Variants in CCDC77 observed in about 807,000 individuals in gnomAD.
CCDC77 encodes the protein coiled-coil domain-containing protein 77.
CCDC77 carries 56 observed loss-of-function variants against 66.8 expected under a neutral mutation model. The observed-to-expected ratio is 0.84, with a 90% CI of 0.68 to 1.05. CCDC77 has a LOEUF of 1.05. Among genes scored for constraint, CCDC77 ranks in the 50% least tolerant of loss-of-function variants. CCDC77 has a pLI of 0.00. For missense variants in CCDC77, 570 were observed against 576.8 expected, an observed-to-expected ratio of 0.99 and a Z score of 0.12; for synonymous variants, 196 against 195.2, an observed-to-expected ratio of 1.00 and a Z score of -0.03.
chr12:416,200 C>A (rs918503051), intron 4 of CCDC77, among the ~76,000 whole-genome samples: 1 of 150,696 alleles, frequency 6.6e-6, no homozygotes, highest in Admixed American at 6.7e-5. Flanking sequence ...TTTAACCTCC[C>A]AAAGTGTTGG....
At chr12:426,574 C>T (rs1945535983) in intron 5 of CCDC77, among the ~76,000 whole-genome samples, 1 of 152,082 alleles carries the variant, frequency 6.6e-6, no homozygotes, top group African/African-American at 2.4e-5. Flanking sequence ...GCCCCAGAAG[C>T]CAAGAAGCTA....
At position 438,344 on chromosome 12, in the gene CCDC77, C is replaced by T; in HGVS notation, c.831C>T (p.His277=). ...ATACTTTCTTTCCTAGTCTTCACCA[C>T]ACCCAAGAACTGCTCTATGAGAGCA... ...KIKELTKNLH[H]TQELLYESTK... The change falls in exon 10 of 13, where the codon CAC becomes CAT. Residue 277 remains histidine, a synonymous_variant. Coordinates refer to ENST00000239830, the MANE Select transcript of CCDC77 (RefSeq NM_032358.4). The T allele has an allele frequency of 5.0e-6, 8 of 1,611,034 alleles. No individual in the cohort carries two copies. The highest frequency in any genetic ancestry group is 6.8e-6 in the Non-Finnish European group (8 of 1,178,628).
chr12:415,382 T>C (rs1206264398), intron 4 of CCDC77, among the ~76,000 whole-genome samples: 1 of 106,844 alleles, frequency 9.4e-6, no homozygotes. Context: ...ATCAACATAA[T>C]ATTATGTTAA....
At chr12:437,473 A>T (rs895502524) in intron 9 of CCDC77, among the ~76,000 whole-genome samples, 4 of 152,018 alleles carry the variant, frequency 2.6e-5, no homozygotes, top group African/African-American at 9.7e-5. Flanking sequence ...TTAACCTGGG[A>T]TGGAGTTTCA....
At chr12:405,154 C>T (rs149748099) in intron 1 of CCDC77, among the ~76,000 whole-genome samples, 174 of 152,344 alleles carry the variant, frequency 1.1e-3, no homozygotes, top group Admixed American at 2.6e-3. Flanking sequence ...CATAGGTGAA[C>T]CTTGAAAACA....
chr12:403,692 A>G (rs1944939176), intron 1 of CCDC77, among the ~76,000 whole-genome samples: 2 of 152,210 alleles, frequency 1.3e-5, no homozygotes, highest in South Asian at 4.1e-4. Flanking sequence ...GGGTTTCACC[A>G]TGTTGCCCAG....
chr12:415,795 G>A (rs541355651), intron 4 of CCDC77, among the ~76,000 whole-genome samples: 85 of 125,134 alleles, frequency 6.8e-4, no homozygotes, highest in Non-Finnish European at 1.1e-3. Context: ...ACCATGCCCA[G>A]CTAATTTTTT....
rs372619680 is a variant in CCDC77, at chr12:418,455, C to T, written c.271-39C>T. Reference sequence around the variant, plus strand: ...CCAGTGAGAGATACTCCATTGAAACCCAGTGTCTTTCAACTATCTTATTGT... The same window carrying T: ...CCAGTGAGAGATACTCCATTGAAACTCAGTGTCTTTCAACTATCTTATTGT... On this transcript the variant is annotated intron_variant, in intron 4 of 12. Transcript: ENST00000239830. The T allele has an allele frequency of 2.4e-5, 39 of 1,597,068 alleles. No individual in the cohort carries two copies. The African/African-American group carries it at 5.2e-4, about 21-fold the overall frequency.
At position 389,592 on chromosome 12, in the gene CCDC77, G is replaced by T. The variant is rs905524780; in HGVS notation, c.-113+106G>T. 4 of 181,984 alleles carry T rather than the reference G, an allele frequency of 2.2e-5. No individual in the cohort carries two copies. The East Asian group carries it at 4.2e-4, about 19-fold the overall frequency. The allele number at this position is 181,984 out of a possible 1,614,324, so 11.3% of individuals were successfully genotyped here. On this transcript the variant is annotated intron_variant, in intron 1 of 11. Transcript: ENST00000422000. ...GGCGCAACGAGGCGGGGCGAGGCGC[G>T]ACGCGACGTGACGCTTTCTTCCGGC...
At chr12:429,303 G>C (rs1381593104) in intron 6 of CCDC77, among the ~76,000 whole-genome samples, 1 of 151,944 alleles carries the variant, frequency 6.6e-6, no homozygotes, top group Non-Finnish European at 1.5e-5. Context: ...GTAATAGTTT[G>C]GTGTATATAC....
At chr12:435,640 T>C (rs1945736299) in intron 9 of CCDC77, among the ~76,000 whole-genome samples, 1 of 152,250 alleles carries the variant, frequency 6.6e-6, no homozygotes. Context: ...CTAGGAATGG[T>C]CCATACTTAT....
chr12:424,584 C>T (rs1272342484), intron 5 of CCDC77, among the ~76,000 whole-genome samples: 2 of 152,124 alleles, frequency 1.3e-5, no homozygotes, highest in Non-Finnish European at 2.9e-5. Flanking sequence ...CTGCTTCAGC[C>T]TCCCAAAGTG....
intron 4 of CCDC77, among the ~76,000 whole-genome samples, chr12:413,012 C>T (rs1269488597): frequency 1.3e-5 from 2 of 151,730 alleles, no homozygotes; most frequent in African/African-American, 2.4e-5. Flanking sequence ...GATCTCAGCT[C>T]ACCACAAGCT....
intron 8 of CCDC77, among the ~76,000 whole-genome samples, chr12:432,593 T>G (rs528289790): frequency 6.6e-6 from 1 of 152,288 alleles, no homozygotes; most frequent in African/African-American, 2.4e-5. Context: ...AGGAAGGGTG[T>G]CTTAAAGGGA....
At chr12:405,336 C>T (rs1390075528) in intron 1 of CCDC77, among the ~76,000 whole-genome samples, 175 bp from the exon 2 acceptor site, 1 of 152,142 alleles carries the variant, frequency 6.6e-6, no homozygotes, top group African/African-American at 2.4e-5. Flanking sequence ...AGTGACGAAA[C>T]TTCTAGAATG....
At position 428,385 on chromosome 12, in the gene CCDC77, C is replaced by T. The variant is rs550998040; in HGVS notation, c.414-384C>T. Among the ~76,000 whole-genome samples, 369 of 151,714 alleles carry T rather than the reference C, an allele frequency of 2.4e-3. 1 individual carries two copies. Among genetic ancestry groups the T allele is most frequent in the Middle Eastern group, 6.9e-3 (2 of 290 alleles). ...AATTAGCCGGGCATAGTGGCGGGCG[C>T]CTGTAGTCCCAGGTGCTCGGGAGGC... On this transcript the variant is annotated intron_variant, in intron 5 of 12. Coordinates refer to ENST00000239830, the MANE Select transcript of CCDC77 (RefSeq NM_032358.4).
Position 418,500 on chromosome 12 carries a change from C to G in CCDC77, c.277C>G (p.Leu93Val), listed in dbSNP as rs866668426. 1 of 1,613,980 alleles carries G rather than the reference C, an allele frequency of 6.2e-7. No homozygotes were observed. The highest frequency in any genetic ancestry group is 1.6e-4 in the Middle Eastern group (1 of 6,062). ...TATTGTGGTTTTTTTGCAGCATAAA[C>G]TTGAATGTGATTTGCAGCAGAGGGA... ...YKEACEGQHK[L>V]ECDLQQREEE... The change falls in exon 5 of 13, where the codon CTT becomes GTT. Residue 93 changes from leucine to valine, a missense_variant. Coordinates refer to ENST00000239830, the MANE Select transcript of CCDC77 (RefSeq NM_032358.4).
At chr12:392,757 ATT>A (rs1057486809) in intron 1 of CCDC77, among the ~76,000 whole-genome samples, 8 of 151,886 alleles carry the variant, frequency 5.3e-5, no homozygotes, top group African/African-American at 1.9e-4. Flanking sequence ...AAAAAAAAAA[ATT>A]ATTGAGAACC....
upstream of CCDC77, among the ~76,000 whole-genome samples, chr12:398,183 A>G (rs1402655065): frequency 6.6e-6 from 1 of 152,174 alleles, no homozygotes; most frequent in Non-Finnish European, 1.5e-5. Context: ...GTAGCATGCA[A>G]TGCTGTTTGA....
Sources: allele counts gnomAD v4.1 joint callset (sites outside exome capture counted in the v4.1 genomes callset), GRCh38; gene constraint gnomAD v4.1.1; transcripts MANE v1.5; gene names NCBI Gene and HGNC (gene_info 2026-07-23, HGNC 2026-07-21).